Variants in L3MBTL1 observed in about 807,000 individuals in gnomAD.
L3MBTL1 encodes the protein L3MBTL histone methyl-lysine binding protein 1.
A neutral mutation model predicts 105.3 loss-of-function variants in L3MBTL1; 75 were observed. The observed-to-expected ratio is 0.71, with a 90% CI of 0.59 to 0.86. L3MBTL1 has a LOEUF of 0.86. Ranked by LOEUF, L3MBTL1 falls within the 40% of genes least tolerant of loss-of-function variation. The pLI, the probability that L3MBTL1 is intolerant of heterozygous loss-of-function variation, is 0.00. For missense variants in L3MBTL1, 1,069 were observed against 1,126.4 expected, an observed-to-expected ratio of 0.95 and a Z score of 0.73; for synonymous variants, 452 against 436.2, an observed-to-expected ratio of 1.04 and a Z score of -0.45.
intron 14 of L3MBTL1, 75 bp from the exon 15 acceptor site, chr20:43,534,209 G>A (rs998350727): frequency 1.3e-6 from 2 of 1,545,372 alleles, no homozygotes; most frequent in Non-Finnish European, 1.8e-6. Flanking sequence ...CCCAGGCACA[G>A]CATTTGGGCT....
chr20:43,514,832 C>T, intron 4 of L3MBTL1, 56 bp downstream of exon 4: 1 of 1,489,372 alleles, frequency 6.7e-7, no homozygotes, highest in East Asian at 2.5e-5. Flanking sequence ...GGGGCGAGGC[C>T]TGAGCCCCAG....
chr20:43,509,917 G>A (rs913361620), intron 1 of L3MBTL1, among the ~76,000 whole-genome samples: 23 of 152,202 alleles, frequency 1.5e-4, no homozygotes, highest in African/African-American at 5.5e-4. Flanking sequence ...AGGCTGGAGT[G>A]CAGTGGCGCG....
chr20:43,530,836 C>A lies in L3MBTL1; in HGVS notation c.1231C>A (p.Arg411Ser). Residue 411 changes from arginine to serine, a missense_variant, in exon 11 of 22, where the codon CGC becomes AGC. Transcript: ENST00000418998. ...EEEFSWSQYL[R>S]STRAQAAPKH... ...GGAGTTCAGCTGGAGCCAGTACCTG[C>A]GCAGCACAAGAGCTCAGGCTGCCCC... 6.2e-7 allele frequency: 1 copy of A among 1,614,130 alleles called. No homozygotes were observed. Among genetic ancestry groups the A allele is most frequent in the East Asian group, 2.2e-5 (1 of 44,880 alleles).
intron 9 of L3MBTL1, 83 bp from the exon 10 acceptor site, chr20:43,530,201 C>G (rs1318964590): frequency 3.2e-6 from 5 of 1,569,610 alleles, no homozygotes; most frequent in Non-Finnish European, 4.3e-6. Context: ...CTGAGACCAC[C>G]AGACTGGGCC....
rs1257604368 is a variant in L3MBTL1, at chr20:43,533,435, A to C, written c.1513+17A>C. The C allele has an allele frequency of 6.2e-7, 1 of 1,606,426 alleles. No individual in the cohort carries two copies. The stretch of plus-strand genomic sequence containing the variant: ...CTCCACAAGGTGACCCTGCAGCCTG[A>C]GCAAGCCCCCTTTCCTAAGCCTGGC... On this transcript the variant is annotated intron_variant, in intron 13 of 21. Transcript: ENST00000418998.
chr20:43,512,188 G>A (rs6513857), intron 1 of L3MBTL1, among the ~76,000 whole-genome samples: 20,227 of 152,174 alleles, frequency 0.13, 1,552 homozygotes, highest in African/African-American at 0.18. Flanking sequence ...GAAGCAGGGA[G>A]ATGGGTTAGA....
chr20:43,531,096 C>G, intron 11 of L3MBTL1: 1 of 570,318 alleles, frequency 1.8e-6, no homozygotes, highest in Non-Finnish European at 3.1e-6. Context: ...CCCGACTTCC[C>G]TCCCTCCTTT....
intron 20 of L3MBTL1, 140 bp downstream of exon 20, chr20:43,540,448 C>T: frequency 2.0e-6 from 2 of 982,640 alleles, no homozygotes; most frequent in Non-Finnish European, 3.0e-6. Flanking sequence ...GTGCACAGTC[C>T]CTTCTAGCTG....
rs1600966662 is a variant in L3MBTL1, at chr20:43,541,033, A to G, written c.2494A>G (p.Lys832Glu). The change falls in exon 22 of 22, where the codon AAA (lysine) becomes GAA (glutamate). Residue 832 changes from lysine (K) to glutamate (E), a missense_variant. Physicochemically the swap from Lys to Glu is moderately conservative, Grantham distance 56. Transcript: ENST00000418998. ...GTGCTCAGATCATCTTCAGGAAGGA[A>G]AAGGCATCCTGGAGACAGGAGTCCA... ...LVCSDHLQEGKGILETGVHSL... is the reference protein window; with the variant it reads ...LVCSDHLQEGEGILETGVHSL... 6.2e-7 allele frequency: 1 copy of G among 1,614,196 alleles called. No homozygotes were observed. Among genetic ancestry groups the G allele is most frequent in the African/African-American group, 1.3e-5 (1 of 75,070 alleles).
chr20:43,509,402 C>A (rs891396653), intron 1 of L3MBTL1, among the ~76,000 whole-genome samples: 1 of 152,198 alleles, frequency 6.6e-6, no homozygotes, highest in African/African-American at 2.4e-5. Context: ...TTTTTAAAAT[C>A]TTTTGTTGAG....
chr20:43,514,559 G>A (rs1345824522), intron 3 of L3MBTL1, 76 bp from the exon 4 acceptor site: 6 of 1,592,958 alleles, frequency 3.8e-6, no homozygotes, highest in Non-Finnish European at 5.1e-6. Context: ...GGCGAAGAGA[G>A]GGCCATGGCA....
chr20:43,524,851 G>C (rs1320737419), intron 7 of L3MBTL1, among the ~76,000 whole-genome samples: 1 of 152,160 alleles, frequency 6.6e-6, no homozygotes, highest in African/African-American at 2.4e-5. Flanking sequence ...GGAGTAGCTA[G>C]TTCACCAAGG....
At chr20:43,542,578 C>A (rs2019956923), downstream of L3MBTL1, among the ~76,000 whole-genome samples, 1 of 147,820 alleles carries the variant, frequency 6.8e-6, no homozygotes, top group South Asian at 2.1e-4. Context: ...ACAGACATTT[C>A]CTCTCGTGTT....
Position 43,514,059 on chromosome 20 carries a change from C to CGGGTCAGTGTCTGT in L3MBTL1, c.360+2_360+15dup. On this transcript the variant is annotated frameshift_variant and splice_region_variant, in exon 3 of 22. Transcript: ENST00000418998. LOFTEE classifies it high-confidence loss of function. ...GGCCCCGCCCCCAGGGGGCGGCCTG[C>CGGGTCAGTGTCTGT]GGGTCAGTGTCTGTGGGGATTGGCT... 6.5e-7 allele frequency: 1 copy of CGGGTCAGTGTCTGT among 1,532,666 alleles called. No individual in the cohort carries two copies. The allele number at this position is 1,532,666 out of a possible 1,614,324, so 94.9% of individuals were successfully genotyped here. A position where few individuals can be genotyped will look rare whatever the true frequency, so the allele number is the denominator to read the frequency against.
downstream of L3MBTL1, among the ~76,000 whole-genome samples, chr20:43,544,771 C>T (rs1053967314): frequency 1.3e-5 from 2 of 152,100 alleles, no homozygotes; most frequent in Admixed American, 6.6e-5. Context: ...TCGAGACCAG[C>T]CTGGCCAATG....
At chr20:43,514,350 G>T in intron 3 of L3MBTL1, 1 of 1,237,174 alleles carries the variant, frequency 8.1e-7, no homozygotes. Flanking sequence ...GTGTTAGTTT[G>T]GGGGCGTGGC....
At chr20:43,527,987 G>T (rs1645923345) in intron 7 of L3MBTL1, among the ~76,000 whole-genome samples, 1 of 152,176 alleles carries the variant, frequency 6.6e-6, no homozygotes, top group Non-Finnish European at 1.5e-5. Context: ...CTGCCTCCCA[G>T]GTTCAAGCAA....
intron 7 of L3MBTL1, among the ~76,000 whole-genome samples, chr20:43,518,199 C>A: frequency 6.7e-6 from 1 of 149,832 alleles, no homozygotes; most frequent in East Asian, 2.0e-4. Context: ...TATCAGTAGA[C>A]AGAAGTTTGC....
At chr20:43,513,804 C>T (rs1295168139) in intron 2 of L3MBTL1, 34 bp from the exon 3 acceptor site, 5 of 1,542,152 alleles carry the variant, frequency 3.2e-6, no homozygotes, top group Non-Finnish European at 4.4e-6. Context: ...ACTAGACTCA[C>T]CTGTGTCGTG....
Sources: allele counts gnomAD v4.1 joint callset (sites outside exome capture counted in the v4.1 genomes callset), GRCh38; gene constraint gnomAD v4.1.1; transcripts MANE v1.5; gene names NCBI Gene and HGNC (gene_info 2026-07-23, HGNC 2026-07-21).